VTI1A: variants seen among roughly 807,000 people sequenced by gnomAD.
VTI1A encodes vesicle transport through interaction with t-SNAREs 1A.
Under a neutral mutation model 34.9 loss-of-function variants are expected in VTI1A, and 22 were observed. The ratio of observed to expected loss-of-function variants is 0.63; its 90% CI spans 0.45 to 0.90. The LOEUF (loss-of-function observed/expected upper bound fraction) is 0.90, where lower values mean the gene tolerates loss of function less well. Ranked by LOEUF, VTI1A falls within the 40% of genes least tolerant of loss-of-function variation. The probability of loss-of-function intolerance (pLI) is 0.00; values close to 1 mark genes in which losing one functional copy is unlikely to be tolerated. For missense variants in VTI1A, 268 were observed against 275.6 expected, an observed-to-expected ratio of 0.97 and a Z score of 0.20; for synonymous variants, 87 against 97.3, an observed-to-expected ratio of 0.89 and a Z score of 0.62.
the VTI1A span, among the ~76,000 whole-genome samples, chr10:112,834,215 C>T: frequency 2.0e-5 from 3 of 152,248 alleles, no homozygotes; most frequent in South Asian, 2.1e-4. Context: ...CCACCAGCCT[C>T]GACCAGCCCA....
intron 5 of VTI1A, among the ~76,000 whole-genome samples, chr10:112,630,388 C>T (rs569345979): frequency 2.0e-5 from 3 of 152,148 alleles, no homozygotes; most frequent in African/African-American, 4.8e-5. Flanking sequence ...GTATGCTCTC[C>T]AGGAAAATAT....
chr10:112,685,956 A>G (rs1848392908), intron 7 of VTI1A, among the ~76,000 whole-genome samples: 1 of 152,188 alleles, frequency 6.6e-6, no homozygotes, highest in African/African-American at 2.4e-5. Context: ...AAAACACACT[A>G]TTTATGAAGA....
chr10:112,727,461 T>C (rs144187254), intron 7 of VTI1A, among the ~76,000 whole-genome samples: 4 of 152,274 alleles, frequency 2.6e-5, no homozygotes, highest in South Asian at 2.1e-4. Flanking sequence ...CCTAGGAAGT[T>C]GAAGCTACTT....
chr10:112,849,834 C>G, the VTI1A span, among the ~76,000 whole-genome samples: 1 of 152,134 alleles, frequency 6.6e-6, no homozygotes, highest in African/African-American at 2.4e-5. Context: ...CGGATCAGAG[C>G]CTGTGAATGT....
chr10:112,832,264 C>T, the VTI1A span: 1 of 152,268 alleles, frequency 6.6e-6, no homozygotes, highest in Non-Finnish European at 1.5e-5. Context: ...ATTACACTCG[C>T]AAGCTGGGGG....
the VTI1A span, among the ~76,000 whole-genome samples, chr10:112,854,754 A>T: frequency 1.3e-5 from 2 of 152,184 alleles, no homozygotes; most frequent in African/African-American, 2.4e-5. Context: ...CGACACCAGT[A>T]TGTAGGGAGA....
At chr10:112,518,784 A>G (rs1849904904) in intron 3 of VTI1A, among the ~76,000 whole-genome samples, 1 of 151,778 alleles carries the variant, frequency 6.6e-6, no homozygotes, top group Non-Finnish European at 1.5e-5. Flanking sequence ...AAGATACTCA[A>G]GAAAACATTT....
intron 7 of VTI1A, among the ~76,000 whole-genome samples, chr10:112,730,469 C>T (rs919552217): frequency 2.6e-5 from 4 of 152,170 alleles, no homozygotes; most frequent in Non-Finnish European, 5.9e-5. Flanking sequence ...TGATGTACAG[C>T]CAGGATGCCT....
At chr10:112,534,092 C>G (rs1162269479) in intron 4 of VTI1A, among the ~76,000 whole-genome samples, 2 of 152,026 alleles carry the variant, frequency 1.3e-5, no homozygotes, top group Non-Finnish European at 2.9e-5. Flanking sequence ...TAAGAATAGC[C>G]AAAGCTTTCG....
At chr10:112,826,631 G>T in the VTI1A span, 2 of 152,206 alleles carry the variant, frequency 1.3e-5, no homozygotes. Context: ...ATACAAAGAT[G>T]CCAGCATGAA....
At chr10:112,536,936 A>G (rs1226578252) in intron 4 of VTI1A, among the ~76,000 whole-genome samples, 1 of 152,070 alleles carries the variant, frequency 6.6e-6, no homozygotes, top group Non-Finnish European at 1.5e-5. Context: ...TTCTGTCAGC[A>G]TCCCTGGCTG....
rs1260859512 is a variant in VTI1A at position 112,540,262 on chromosome 10, G to A, written c.427+1932G>A. Among the ~76,000 whole-genome samples, 34 of 152,148 alleles carry A rather than the reference G, an allele frequency of 2.2e-4. 1 individual carries two copies. Among genetic ancestry groups the A allele is most frequent in the Admixed American group, 2.2e-3 (34 of 15,272 alleles). On this transcript the variant is annotated intron_variant, in intron 5 of 7. Coordinates refer to ENST00000393077, the MANE Select transcript of VTI1A (RefSeq NM_145206.4). ...ATTTGATAGTTATTATTTTTGGTGT[G>A]TGCTAAAACATAACATCCACATCAA... is the stretch of plus-strand genomic sequence containing the variant.
intron 5 of VTI1A, among the ~76,000 whole-genome samples, chr10:112,551,043 A>T (rs1305787709): frequency 2.0e-5 from 3 of 152,102 alleles, no homozygotes; most frequent in Non-Finnish European, 4.4e-5. Context: ...GGAGATGGAG[A>T]CCATCCTGGC....
At chr10:112,647,556 C>T (rs1321853651) in intron 5 of VTI1A, among the ~76,000 whole-genome samples, 11 of 152,192 alleles carry the variant, frequency 7.2e-5, no homozygotes, top group Non-Finnish European at 1.5e-4. Context: ...TGTTGCTTTC[C>T]GTTTAACACA....
At chr10:112,803,526 G>A (rs1024997522) in intron 7 of VTI1A, among the ~76,000 whole-genome samples, 8 of 152,238 alleles carry the variant, frequency 5.3e-5, no homozygotes, top group African/African-American at 1.2e-4. Flanking sequence ...ACGTGGGGCC[G>A]GAAGGCCTGG....
intron 5 of VTI1A, among the ~76,000 whole-genome samples, chr10:112,619,571 A>T (rs949092883): frequency 3.3e-5 from 5 of 152,184 alleles, no homozygotes; most frequent in Non-Finnish European, 7.3e-5. Context: ...TTTCTGCAAA[A>T]TATGTAGACT....
intron 7 of VTI1A, among the ~76,000 whole-genome samples, chr10:112,755,983 C>G (rs1359944794): frequency 2.6e-5 from 4 of 151,968 alleles, no homozygotes; most frequent in Admixed American, 2.6e-4. Context: ...TTGGTAAGTA[C>G]TGTACCAAAA....
chr10:112,552,561 C>T (rs971090684), intron 5 of VTI1A, among the ~76,000 whole-genome samples: 1 of 151,000 alleles, frequency 6.6e-6, no homozygotes, highest in Admixed American at 6.6e-5. Flanking sequence ...GTAGGTGAGT[C>T]AAAGGGATTG....
At chr10:112,820,598 A>T (rs1853635471), downstream of VTI1A, among the ~76,000 whole-genome samples, 2 of 152,230 alleles carry the variant, frequency 1.3e-5, no homozygotes, top group African/African-American at 4.8e-5. Context: ...GAAGCCACAA[A>T]TATTGCACCC....
Sources: allele counts gnomAD v4.1 joint callset (sites outside exome capture counted in the v4.1 genomes callset), GRCh38; gene constraint gnomAD v4.1.1; transcripts MANE v1.5; gene names NCBI Gene and HGNC (gene_info 2026-07-23, HGNC 2026-07-21).